ADCY3: variants seen among roughly 807,000 people sequenced by gnomAD.
ADCY3 encodes the protein adenylate cyclase type 3.
In ADCY3, 70 loss-of-function variants were observed where a neutral mutation model predicts 119.4. That is an observed-to-expected ratio of 0.59 (90% confidence interval 0.48 to 0.72). ADCY3 has a LOEUF of 0.72. ADCY3 is among the 30% of genes least tolerant of loss of function. The probability of loss-of-function intolerance (pLI) is 0.00; values close to 1 mark genes in which losing one functional copy is unlikely to be tolerated. For synonymous variants in ADCY3, 672 were observed against 621.4 expected (o/e 1.08, Z -1.21); for missense variants, 1,238 against 1,541.6 (o/e 0.80, Z 3.30).
At chr2:24,912,568 CAT>C (rs199538784) in intron 2 of ADCY3, among the ~76,000 whole-genome samples, 39,669 of 105,812 alleles carry the variant, frequency 0.37, 6,524 homozygotes, top group African/African-American at 0.6. Context: ...TGTGTGTGTG[CAT>C]GTGTGTGTGT....
At chr2:24,881,800 G>C (rs1282468388) in intron 2 of ADCY3, among the ~76,000 whole-genome samples, 1 of 118,568 alleles carries the variant, frequency 8.4e-6, no homozygotes, top group Non-Finnish European at 1.6e-5. Context: ...CACCACCGAG[G>C]CCATTCCACA....
At chr2:24,906,448 C>T (rs774424861) in intron 2 of ADCY3, among the ~76,000 whole-genome samples, 1 of 152,204 alleles carries the variant, frequency 6.6e-6, no homozygotes. Flanking sequence ...CCAGAGCACT[C>T]AGTGCTGCAC....
In ADCY3 at chr2:24,827,786, T is replaced by C. The variant is rs1231372889; in HGVS notation, c.2432+116A>G. The C allele has an allele frequency of 1.1e-5, 17 of 1,514,088 alleles. No homozygotes were observed. The Admixed American group carries it at 2.5e-4, about 22-fold the overall frequency. 93.8% of individuals were successfully genotyped at this position (1,514,088 alleles called of 1,614,324 possible). A position where few individuals can be genotyped will look rare whatever the true frequency, so the allele number is the denominator to read the frequency against. ...CCAGGAACTGGTTCTTGAACAAGCC[T>C]TTGAGGACCCCTAGTGGCAGAAAGC... On this transcript the variant is annotated intron_variant, in intron 14 of 21. Coordinates refer to ENST00000679454, the MANE Select transcript of ADCY3 (RefSeq NM_004036.5).
rs1019131255 is a variant in ADCY3 at position 24,850,477 on chromosome 2, G to A, written c.826-8093C>T. 5.3e-5 allele frequency among the ~76,000 whole-genome samples: 8 copies of A among 152,300 alleles called. No homozygotes were observed. The East Asian group carries it at 9.7e-4, about 18-fold the overall frequency. ...GGGGGACAGGAGTGCAGGGGAGAGAGGCCACCCATAGCAGCCTAGGATTGC... is the reference window on the plus strand; with the variant it reads ...GGGGGACAGGAGTGCAGGGGAGAGAAGCCACCCATAGCAGCCTAGGATTGC... On this transcript the variant is annotated intron_variant, in intron 3 of 21. Coordinates refer to ENST00000679454, the MANE Select transcript of ADCY3 (RefSeq NM_004036.5).
At chr2:24,880,724 G>C (rs568499893) in intron 2 of ADCY3, among the ~76,000 whole-genome samples, 3 of 152,280 alleles carry the variant, frequency 2.0e-5, no homozygotes, top group African/African-American at 7.2e-5. Flanking sequence ...AGAGTATAAA[G>C]TCTCCTTCCA....
chr2:24,827,992 A>G lies in ADCY3; in HGVS notation c.2342T>C (p.Leu781Pro), dbSNP rs1668866028. 6.2e-7 allele frequency: 1 copy of G among 1,614,268 alleles called. No individual in the cohort carries two copies. Among genetic ancestry groups the G allele is most frequent in the Non-Finnish European group, 8.5e-7 (1 of 1,180,042 alleles). ...GGTGGCCACGGCGCCTGCGACGAGC[A>G]GCATGAGCGTGAGCTTCACCATGTG... is the stretch of plus-strand genomic sequence containing the variant. ...VSHMVKLTLM[L>P]LVAGAVATIN... The change falls in exon 14 of 22, where the codon CTG (leucine) becomes CCG (proline). Residue 781 changes from leucine (L) to proline (P), a missense_variant. Physicochemically the swap from Leu to Pro is moderately conservative, Grantham distance 98. Transcript: ENST00000679454.
intron 2 of ADCY3, among the ~76,000 whole-genome samples, chr2:24,887,612 G>A (rs944981389): frequency 5.9e-5 from 9 of 151,726 alleles, no homozygotes; most frequent in South Asian, 2.1e-4. Context: ...CCATGACCAC[G>A]TGTCCCAGCC....
chr2:24,831,971 AGCG>A (rs1669615099), intron 11 of ADCY3, among the ~76,000 whole-genome samples: 1 of 99,548 alleles, frequency 1.0e-5, no homozygotes, highest in Non-Finnish European at 2.0e-5. Flanking sequence ...GCCAGGGGGC[AGCG>A]GACAGGGACT....
intron 2 of ADCY3, among the ~76,000 whole-genome samples, chr2:24,881,654 G>A (rs979820591): frequency 9.2e-5 from 14 of 152,226 alleles, no homozygotes; most frequent in African/African-American, 2.2e-4. Flanking sequence ...CATAGCAAAC[G>A]TGAGCTGTGT....
intron 2 of ADCY3, among the ~76,000 whole-genome samples, chr2:24,889,373 C>T (rs1271515892): frequency 1.3e-5 from 2 of 152,202 alleles, no homozygotes; most frequent in African/African-American, 4.8e-5. Flanking sequence ...TTGCTCAACT[C>T]CCAGACATTG....
chr2:24,854,031 C>T (rs1317951762), intron 3 of ADCY3, among the ~76,000 whole-genome samples: 1 of 152,146 alleles, frequency 6.6e-6, no homozygotes, highest in Non-Finnish European at 1.5e-5. Context: ...ATAAAAATTA[C>T]TTGAGGACAC....
chr2:24,894,499 G>T (rs1236996661), intron 2 of ADCY3, among the ~76,000 whole-genome samples: 1 of 152,056 alleles, frequency 6.6e-6, no homozygotes, highest in African/African-American at 2.4e-5. Context: ...AATAAATAAA[G>T]ATAAATAAGA....
At position 24,819,827 on chromosome 2, in the gene ADCY3, T is replaced by A; in HGVS notation, c.*105A>T. On this transcript the variant is annotated 3_prime_UTR_variant, in exon 22 of 22. Coordinates refer to ENST00000679454, the MANE Select transcript of ADCY3 (RefSeq NM_004036.5). The stretch of plus-strand genomic sequence containing the variant: ...TGAAGGCTGAGGAGGTTTCTAAACC[T>A]AAAGTCCATGAGTGTGCACTTCAAT... 8.0e-7 allele frequency: 1 copy of A among 1,257,250 alleles called. No individual in the cohort carries two copies. The highest frequency in any genetic ancestry group is 1.1e-6 in the Non-Finnish European group (1 of 914,084). 77.9% of individuals were successfully genotyped at this position (1,257,250 alleles called of 1,614,324 possible). A position where few individuals can be genotyped will look rare whatever the true frequency, so the allele number is the denominator to read the frequency against.
At chr2:24,888,866 G>A (rs1021056940) in intron 2 of ADCY3, among the ~76,000 whole-genome samples, 12 of 152,114 alleles carry the variant, frequency 7.9e-5, no homozygotes, top group Admixed American at 3.3e-4. Context: ...AAAATTAGCC[G>A]GGCATAGTGG....
chr2:24,918,828 G>T lies in ADCY3; in HGVS notation c.160C>A (p.Arg54=), dbSNP rs368104984. 61 of 1,613,574 alleles carry T rather than the reference G, an allele frequency of 3.8e-5. No homozygotes were observed. The highest frequency in any genetic ancestry group is 8.3e-5 in the Admixed American group (5 of 60,000). The stretch of plus-strand genomic sequence containing the variant: ...AAGGACTCCGGCACGAAAGTCAGCC[G>T]CATGAAGCGAGGCAGGCACAGGCAG... ...GSCLCLPRFM[R]LTFVPESLEN... Residue 54 remains arginine (R), a synonymous_variant, in exon 2 of 22, where the codon CGG becomes AGG. Transcript: ENST00000679454. The surrounding 1 kb of genome is among the most constrained non-coding windows in gnomAD (Gnocchi z 5.4).
At chr2:24,839,592 GC>G (rs1247824061) in intron 7 of ADCY3, among the ~76,000 whole-genome samples, 1 of 152,198 alleles carries the variant, frequency 6.6e-6, no homozygotes, top group East Asian at 1.9e-4. Flanking sequence ...AGGGGAGGCA[GC>G]CCCCTAAGTC....
chr2:24,871,836 A>G (rs897302809), intron 3 of ADCY3, among the ~76,000 whole-genome samples: 2 of 152,264 alleles, frequency 1.3e-5, no homozygotes, highest in Admixed American at 1.3e-4. Context: ...ACTATGTACA[A>G]GCCTGAGTGA....
rs1249719561 is a variant in ADCY3, at chr2:24,919,862, G to A, written c.-377C>T. ...CCGGGATCCGACCGGGAGAGGCGCA[G>A]GGCTGCCCCTCAGCATCCGCGGGCG... On this transcript the variant is annotated 5_prime_UTR_variant, in exon 1 of 22. Coordinates refer to ENST00000679454, the MANE Select transcript of ADCY3 (RefSeq NM_004036.5). This position sits in a 1 kb window ranked among gnomAD's most constrained non-coding sequence, Gnocchi z 5.5. 6.6e-6 allele frequency: 1 copy of A among 150,942 alleles called. No individual in the cohort carries two copies. The highest frequency in any genetic ancestry group is 1.5e-5 in the Non-Finnish European group (1 of 67,604). 9.4% of individuals were successfully genotyped at this position (150,942 alleles called of 1,614,324 possible). A position where few individuals can be genotyped will look rare whatever the true frequency, so the allele number is the denominator to read the frequency against.
At chr2:24,866,449 C>T (rs1304137269) in intron 3 of ADCY3, among the ~76,000 whole-genome samples, 3 of 151,364 alleles carry the variant, frequency 2.0e-5, no homozygotes, top group Admixed American at 6.6e-5. Flanking sequence ...TGGTGGCACA[C>T]GCCTGCAGTC....
Sources: allele counts gnomAD v4.1 joint callset (sites outside exome capture counted in the v4.1 genomes callset), GRCh38; gene constraint gnomAD v4.1.1; non-coding constraint Gnocchi (gnomAD v3.1); transcripts MANE v1.5; gene names NCBI Gene and HGNC (gene_info 2026-07-23, HGNC 2026-07-21).